The following EXPH5 variants were observed in gnomAD, a reference collection of about 807,000 sequenced individuals.
EXPH5 encodes exophilin-5.
A neutral mutation model predicts 41.1 loss-of-function variants in EXPH5; 42 were observed. The ratio of observed to expected loss-of-function variants is 1.02; its 90% CI spans 0.80 to 1.32. The LOEUF is 1.32. EXPH5 is among the 40% of genes most tolerant of loss of function. The pLI, the probability that EXPH5 is intolerant of heterozygous loss-of-function variation, is 0.00. For missense variants in EXPH5, 2,298 were observed against 2,314.5 expected, an observed-to-expected ratio of 0.99 and a Z score of 0.15; for synonymous variants, 798 against 833.5, an observed-to-expected ratio of 0.96 and a Z score of 0.73.
chr11:108,536,637 T>C (rs2093881838), intron 3 of EXPH5, among the ~76,000 whole-genome samples: 1 of 152,160 alleles, frequency 6.6e-6, no homozygotes, highest in Admixed American at 6.5e-5. Flanking sequence ...TATTAGGAAA[T>C]CAGAGCTTGA....
Position 108,513,462 on chromosome 11 carries a change from G to C in EXPH5, c.2045C>G (p.Ser682Cys). The change falls in exon 6 of 6, where the codon TCT becomes TGT. Residue 682 changes from serine (S) to cysteine (C), a missense_variant. Coordinates refer to ENST00000265843, the MANE Select transcript of EXPH5 (RefSeq NM_015065.3). ...GGGCTGGCTTTTGGCAAGAGGCAGA[G>C]AGTCAACTGAATTGCTGCTGGTCAC... ...VTVTSSNSVD[S>C]LPLAKSQPNI... 1 of 1,613,734 alleles carries C rather than the reference G, an allele frequency of 6.2e-7. No homozygotes were observed. Among genetic ancestry groups the C allele is most frequent in the Non-Finnish European group, 8.5e-7 (1 of 1,179,770 alleles).
At chr11:108,577,812 T>A (rs918912975) in intron 1 of EXPH5, among the ~76,000 whole-genome samples, 2 of 152,234 alleles carry the variant, frequency 1.3e-5, no homozygotes, top group Non-Finnish European at 2.9e-5. Context: ...TTAGCATTTT[T>A]TCATATGCCT....
chr11:108,542,907 C>T (rs531964180), intron 1 of EXPH5, among the ~76,000 whole-genome samples: 4 of 152,058 alleles, frequency 2.6e-5, no homozygotes, highest in South Asian at 4.2e-4. Flanking sequence ...TTAGTAGAGA[C>T]GGGGTTTTGC....
At chr11:108,573,186 A>AAGAAAG (rs1466300647) in intron 1 of EXPH5, among the ~76,000 whole-genome samples, 1 of 138,818 alleles carries the variant, frequency 7.2e-6, no homozygotes, top group African/African-American at 3.2e-5. Flanking sequence ...GAAAGAAAGA[A>AAGAAAG]AGAAAGAAAG....
At chr11:108,530,887 G>C (rs1044645678) in intron 3 of EXPH5, among the ~76,000 whole-genome samples, 3 of 152,196 alleles carry the variant, frequency 2.0e-5, no homozygotes, top group Admixed American at 6.5e-5. Context: ...GAAGAGTATA[G>C]GACTCAGCAG....
rs1290144439 is a variant in EXPH5 at position 108,556,994 on chromosome 11, G to A, written c.120-15182C>T. On this transcript the variant is annotated intron_variant, in intron 1 of 5. Coordinates refer to ENST00000265843, the MANE Select transcript of EXPH5 (RefSeq NM_015065.3). Reference sequence around the variant, plus strand: ...TTGGCTTCTTTTTTCCCTCTTAACAGGCCAAGCTGGCTCCCACTGGGCTTC... The same window carrying A: ...TTGGCTTCTTTTTTCCCTCTTAACAAGCCAAGCTGGCTCCCACTGGGCTTC... Among the ~76,000 whole-genome samples, 5 of 152,072 alleles carry A rather than the reference G, an allele frequency of 3.3e-5. No homozygotes were observed. The South Asian group carries it at 8.3e-4, about 25-fold the overall frequency.
chr11:108,546,871 C>T (rs1487264460), intron 1 of EXPH5, among the ~76,000 whole-genome samples: 9 of 150,990 alleles, frequency 6.0e-5, no homozygotes, highest in African/African-American at 2.0e-4. Context: ...GGCACAATCT[C>T]GGCTCACTGC....
chr11:108,532,367 T>TATATATATATATATATATATA (rs61454000), intron 3 of EXPH5, among the ~76,000 whole-genome samples: 14 of 20,340 alleles, frequency 6.9e-4, no homozygotes, highest in African/African-American at 9.3e-4. Flanking sequence ...TATATATATA[T>TATATATATATATATATATATA]TTTTTTTTTT....
chr11:108,519,849 G>T (rs554949692), intron 4 of EXPH5, among the ~76,000 whole-genome samples: 1 of 151,492 alleles, frequency 6.6e-6, no homozygotes, highest in Non-Finnish European at 1.5e-5. Context: ...ACCTGGGAGG[G>T]CTGAGGCAGG....
At chr11:108,558,111 T>A (rs1365230716) in intron 1 of EXPH5, among the ~76,000 whole-genome samples, 1 of 151,932 alleles carries the variant, frequency 6.6e-6, no homozygotes, top group Non-Finnish European at 1.5e-5. Flanking sequence ...TCCAGCTAAT[T>A]TTTGTATTTT....
At chr11:108,524,130 T>C (rs1313280023) in intron 4 of EXPH5, among the ~76,000 whole-genome samples, 1 of 152,200 alleles carries the variant, frequency 6.6e-6, no homozygotes, top group Non-Finnish European at 1.5e-5. Context: ...AAAAGCATGT[T>C]GGAGGCAGGA....
At chr11:108,560,026 C>A (rs2136076418) in intron 1 of EXPH5, among the ~76,000 whole-genome samples, 1 of 152,304 alleles carries the variant, frequency 6.6e-6, no homozygotes, top group South Asian at 2.1e-4. Flanking sequence ...CTCCTTCCCA[C>A]CCTACCCACA....
intron 1 of EXPH5, among the ~76,000 whole-genome samples, chr11:108,548,832 T>TA (rs1321997143): frequency 6.6e-6 from 1 of 152,192 alleles, no homozygotes; most frequent in Non-Finnish European, 1.5e-5. Flanking sequence ...TTCATTTACT[T>TA]AAAAAAACTA....
At chr11:108,602,306 C>T in the EXPH5 span, among the ~76,000 whole-genome samples, 1 of 152,180 alleles carries the variant, frequency 6.6e-6, no homozygotes, top group Admixed American at 6.5e-5. Context: ...GTGCCAGGCA[C>T]TGTTTTACAG....
intron 1 of EXPH5, among the ~76,000 whole-genome samples, chr11:108,579,546 A>C (rs1453506721): frequency 1.3e-5 from 2 of 152,004 alleles, no homozygotes. Flanking sequence ...AGTAAAAAAA[A>C]AAAAAAGTAA....
chr11:108,588,539 T>C (rs1006730706), intron 1 of EXPH5, among the ~76,000 whole-genome samples: 3 of 152,166 alleles, frequency 2.0e-5, no homozygotes, highest in Non-Finnish European at 2.9e-5. Flanking sequence ...TCACTTACCC[T>C]TTCTAAGCTT....
chr11:108,564,040 G>A (rs2155438), intron 1 of EXPH5, among the ~76,000 whole-genome samples: 5,009 of 152,252 alleles, frequency 0.033, 128 homozygotes, highest in Non-Finnish European at 0.05. Flanking sequence ...AGAACTTTGG[G>A]AGGCTGAGGC....
intron 5 of EXPH5, among the ~76,000 whole-genome samples, chr11:108,517,236 T>C (rs954928610): frequency 6.6e-6 from 1 of 152,224 alleles, no homozygotes; most frequent in African/African-American, 2.4e-5. Context: ...CTTCTCTACA[T>C]TAGTTTCAGA....
intron 1 of EXPH5, among the ~76,000 whole-genome samples, chr11:108,574,078 T>G (rs1193058645): frequency 1.9e-5 from 2 of 107,914 alleles, no homozygotes; most frequent in African/African-American, 5.0e-5. Context: ...ATTTTGTGTG[T>G]TTTTTTTTTT....
Sources: allele counts gnomAD v4.1 joint callset (sites outside exome capture counted in the v4.1 genomes callset), GRCh38; gene constraint gnomAD v4.1.1; transcripts MANE v1.5; gene names NCBI Gene and HGNC (gene_info 2026-07-23, HGNC 2026-07-21).